The following MANBA variants were observed in gnomAD, a reference collection of about 807,000 sequenced individuals.
MANBA encodes the protein beta-mannosidase.
In MANBA, 83 loss-of-function variants were observed where a neutral mutation model predicts 111.1. The observed-to-expected ratio is 0.75, with a 90% confidence interval of 0.63 to 0.90. The LOEUF (loss-of-function observed/expected upper bound fraction) is 0.90. MANBA is among the 40% of genes least tolerant of loss of function. The pLI, the probability that MANBA is intolerant of heterozygous loss-of-function variation, is 0.00. For synonymous variants in MANBA, 370 were observed against 378.7 expected, an observed-to-expected ratio of 0.98 and a Z score of 0.27; for missense variants, 1,036 against 1,069.0, an observed-to-expected ratio of 0.97 and a Z score of 0.43.
rs1453669632 is a variant in MANBA at position 102,657,730 on chromosome 4, T to C, written c.1656A>G (p.Ala552=). 1.9e-6 allele frequency: 3 copies of C among 1,613,932 alleles called. No individual in the cohort carries two copies. Among genetic ancestry groups the C allele is most frequent in the South Asian group, 1.1e-5 (1 of 91,086 alleles). ...GCCAGGACTGATATCCATATTCAGATGCAAATCGAGCTTTTGGGAAAACTT... is the reference window on the plus strand; with the variant it reads ...GCCAGGACTGATATCCATATTCAGACGCAAATCGAGCTTTTGGGAAAACTT... The part of the protein sequence containing the change: ...NWKVFPKARF[A]SEYGYQSWPS... Residue 552 remains alanine, a synonymous_variant, in exon 12 of 17, where the codon GCA becomes GCG. Transcript: ENST00000647097.
intron 10 of MANBA, chr4:102,666,603 A>G (rs1183633293): frequency 6.6e-6 from 1 of 152,330 alleles, no homozygotes; most frequent in African/African-American, 2.4e-5. Flanking sequence ...GGACATAGAC[A>G]GCAAGATGGA....
chr4:102,704,039 G>A (rs1733184687), intron 5 of MANBA, among the ~76,000 whole-genome samples: 1 of 151,938 alleles, frequency 6.6e-6, no homozygotes, highest in Admixed American at 6.5e-5. Context: ...AGGTTGCAGT[G>A]AGCCAAGATC....
chr4:102,740,245 G>C (rs1381638247), intron 1 of MANBA, among the ~76,000 whole-genome samples: 1 of 152,136 alleles, frequency 6.6e-6, no homozygotes. Context: ...CCAAGGACAT[G>C]AAAGACCTCT....
At chr4:102,691,783 T>C (rs1732488465) in intron 5 of MANBA, among the ~76,000 whole-genome samples, 2 of 152,114 alleles carry the variant, frequency 1.3e-5, no homozygotes, top group Non-Finnish European at 2.9e-5. Context: ...ACTGGGATTA[T>C]AGGCATGAGC....
intron 13 of MANBA, among the ~76,000 whole-genome samples, chr4:102,641,737 C>T (rs1017149983): frequency 3.9e-5 from 6 of 152,080 alleles, no homozygotes; most frequent in African/African-American, 1.4e-4. Flanking sequence ...TCTATATATC[C>T]ATTCTAACAT....
chr4:102,678,115 A>G (rs1274994171), intron 7 of MANBA, among the ~76,000 whole-genome samples: 1 of 152,132 alleles, frequency 6.6e-6, no homozygotes, highest in Non-Finnish European at 1.5e-5. Context: ...AAATTGTATT[A>G]ACTATACAAC....
chr4:102,668,766 A>G (rs1285016509), intron 10 of MANBA, 197 bp downstream of exon 10: 1 of 571,468 alleles, frequency 1.7e-6, no homozygotes, highest in Admixed American at 2.7e-5. Flanking sequence ...CTGGGGATAA[A>G]TCTGGGAGTC....
intron 4 of MANBA, chr4:102,722,310 T>A (rs1479547382): frequency 6.4e-6 from 1 of 156,164 alleles, no homozygotes; most frequent in Non-Finnish European, 1.4e-5. Context: ...TGAAGTAAAA[T>A]GAAATAAACA....
chr4:102,745,801 T>G (rs899324931), intron 1 of MANBA, among the ~76,000 whole-genome samples: 37 of 152,308 alleles, frequency 2.4e-4, no homozygotes, highest in Non-Finnish European at 4.3e-4. Context: ...ACCCTTAATA[T>G]CCATTCCTAT....
At chr4:102,720,075 T>C (rs940937345) in intron 4 of MANBA, among the ~76,000 whole-genome samples, 1 of 152,248 alleles carries the variant, frequency 6.6e-6, no homozygotes, top group Non-Finnish European at 1.5e-5. Context: ...ATTATCTTTA[T>C]TGATGACTTG....
intron 9 of MANBA, among the ~76,000 whole-genome samples, chr4:102,669,505 C>T (rs1731390274): frequency 6.6e-6 from 1 of 152,178 alleles, no homozygotes; most frequent in South Asian, 2.1e-4. Flanking sequence ...AGTAATGAAA[C>T]CATATAAGTC....
intron 1 of MANBA, among the ~76,000 whole-genome samples, chr4:102,745,222 C>T (rs796107944): frequency 1.3e-5 from 2 of 152,160 alleles, no homozygotes; most frequent in African/African-American, 4.8e-5. Context: ...TGCAGTTACC[C>T]TGGTAATAGA....
At chr4:102,713,431 T>C (rs1246192892) in intron 5 of MANBA, among the ~76,000 whole-genome samples, 2 of 152,208 alleles carry the variant, frequency 1.3e-5, no homozygotes, top group Admixed American at 6.5e-5. Context: ...AAGGGATCAG[T>C]GTACCTACTC....
intron 5 of MANBA, among the ~76,000 whole-genome samples, chr4:102,704,659 G>C (rs1733217268): frequency 6.6e-6 from 1 of 151,534 alleles, no homozygotes; most frequent in Admixed American, 6.6e-5. Context: ...GACCACATTA[G>C]CTTATTCTTT....
intron 5 of MANBA, among the ~76,000 whole-genome samples, chr4:102,713,453 T>C (rs1722170928): frequency 6.6e-6 from 1 of 152,184 alleles, no homozygotes; most frequent in Non-Finnish European, 1.5e-5. Context: ...ATTTCTTTTA[T>C]CAAATAAACA....
intron 1 of MANBA, among the ~76,000 whole-genome samples, chr4:102,744,239 A>C (rs1723510375): frequency 6.6e-6 from 1 of 152,150 alleles, no homozygotes; most frequent in Admixed American, 6.5e-5. Context: ...GGAATATCTC[A>C]ATAGGCCCCA....
chr4:102,666,006 T>A (rs1047850987), intron 10 of MANBA: 12 of 152,254 alleles, frequency 7.9e-5, no homozygotes, highest in Admixed American at 7.8e-4. Flanking sequence ...AAACACTATT[T>A]CCTTTTTTTG....
intron 5 of MANBA, among the ~76,000 whole-genome samples, chr4:102,707,629 T>C (rs1197367539): frequency 6.6e-6 from 1 of 152,060 alleles, no homozygotes. Flanking sequence ...AGTCAATTAA[T>C]AAAATGACAG....
intron 7 of MANBA, among the ~76,000 whole-genome samples, chr4:102,676,761 T>C (rs1262588294): frequency 6.6e-6 from 1 of 152,190 alleles, no homozygotes; most frequent in Non-Finnish European, 1.5e-5. Flanking sequence ...CTAAATAATT[T>C]TTTGAATAAT....
Sources: allele counts gnomAD v4.1 joint callset (sites outside exome capture counted in the v4.1 genomes callset), GRCh38; gene constraint gnomAD v4.1.1; transcripts MANE v1.5; gene names NCBI Gene and HGNC (gene_info 2026-07-23, HGNC 2026-07-21).